Variants in KLF17 observed in about 807,000 individuals in gnomAD.
The protein encoded by KLF17 is Krueppel-like factor 17.
Under a neutral mutation model 34.2 loss-of-function variants are expected in KLF17, and 31 were observed. That is an observed-to-expected ratio of 0.91 (90% CI 0.68 to 1.22). The LOEUF (loss-of-function observed/expected upper bound fraction) is 1.22. KLF17 is among the 50% of genes most tolerant of loss of function. KLF17 has a pLI of 0.00. For missense variants in KLF17, 478 were observed against 505.2 expected, an observed-to-expected ratio of 0.95 and a Z score of 0.52; for synonymous variants, 179 against 186.7, an observed-to-expected ratio of 0.96 and a Z score of 0.34.
At chr1:44,070,587 TGTC>T in the KLF17 span, among the ~76,000 whole-genome samples, 1 of 145,004 alleles carries the variant, frequency 6.9e-6, no homozygotes, top group Non-Finnish European at 1.5e-5. Flanking sequence ...CCTTTTCCCT[TGTC>T]TTTTTTTTTT....
At chr1:44,130,270 T>C in intron 2 of KLF17, 74 bp downstream of exon 2, 1 of 1,535,162 alleles carries the variant, frequency 6.5e-7, no homozygotes, top group South Asian at 1.3e-5. Flanking sequence ...CACTGGTGGG[T>C]AATTGTTTGG....
chr1:44,045,761 A>G, the KLF17 span, among the ~76,000 whole-genome samples: 35 of 152,262 alleles, frequency 2.3e-4, no homozygotes, highest in East Asian at 6.0e-3. Flanking sequence ...ATACTTTCAC[A>G]CACAACCCAG....
the KLF17 span, among the ~76,000 whole-genome samples, chr1:44,109,901 T>C: frequency 4.4e-4 from 63 of 141,984 alleles, 2 homozygotes; most frequent in East Asian, 7.8e-3. Context: ...TTTATACTTT[T>C]TTTTTTTTTT....
At chr1:44,127,692 T>TTCTTTCTTTTTCTTTCTTTCTTTCTTTC (rs753421834) in intron 1 of KLF17, among the ~76,000 whole-genome samples, 95 of 90,106 alleles carry the variant, frequency 1.1e-3, no homozygotes, top group South Asian at 2.7e-3. Flanking sequence ...CTTTCTTTCT[T>TTCTTTCTTTTTCTTTCTTTCTTTCTTTC]TTTCTTTCTT....
chr1:44,115,847 C>T (rs148099633), upstream of KLF17: 1 of 151,904 alleles, frequency 6.6e-6, no homozygotes, highest in Non-Finnish European at 1.5e-5. Context: ...AATAGTTGTG[C>T]CTTTTTCATT....
upstream of KLF17, chr1:44,114,276 A>G (rs1280920608): frequency 6.6e-6 from 1 of 152,230 alleles, no homozygotes; most frequent in Non-Finnish European, 1.5e-5. Flanking sequence ...ATTAAATCAC[A>G]GATTTCAAAA....
At chr1:44,099,268 G>C in the KLF17 span, among the ~76,000 whole-genome samples, 1 of 151,788 alleles carries the variant, frequency 6.6e-6, no homozygotes, top group African/African-American at 2.4e-5. Flanking sequence ...GCCAGGCGTG[G>C]TGGCTCACAC....
intron 3 of KLF17, among the ~76,000 whole-genome samples, chr1:44,131,435 TC>T (rs1440544613): frequency 2.6e-5 from 4 of 152,346 alleles, no homozygotes; most frequent in Middle Eastern, 3.4e-3. Flanking sequence ...TATTTTCAAA[TC>T]CTGAATTTGC....
At chr1:44,087,685 A>T in the KLF17 span, among the ~76,000 whole-genome samples, 1 of 133,826 alleles carries the variant, frequency 7.5e-6, no homozygotes, top group Non-Finnish European at 1.6e-5. Context: ...TTCCTCTGTG[A>T]CTATGCAGAG....
At chr1:44,101,549 T>C in the KLF17 span, 2 of 152,202 alleles carry the variant, frequency 1.3e-5, no homozygotes, top group African/African-American at 2.4e-5. Flanking sequence ...GAGTTATGCA[T>C]TTTTTGGCAG....
chr1:44,070,571 C>T, the KLF17 span, among the ~76,000 whole-genome samples: 3 of 151,340 alleles, frequency 2.0e-5, no homozygotes, highest in African/African-American at 7.3e-5. Flanking sequence ...CACATTCTCA[C>T]CTCTCCCTTT....
At chr1:44,106,478 C>T in the KLF17 span, 2 of 152,208 alleles carry the variant, frequency 1.3e-5, no homozygotes, top group African/African-American at 4.8e-5. Flanking sequence ...CTTACTTTCT[C>T]CAGAGTGAAA....
chr1:44,103,799 G>T, the KLF17 span: 1 of 871,912 alleles, frequency 1.1e-6, no homozygotes. Flanking sequence ...AAGCCCTCTG[G>T]CCTTTGAGGC....
At chr1:44,132,012 G>C (rs543450789) in intron 3 of KLF17, among the ~76,000 whole-genome samples, 1 of 152,190 alleles carries the variant, frequency 6.6e-6, no homozygotes, top group African/African-American at 2.4e-5. Flanking sequence ...AATATTTATG[G>C]GATAAAATTT....
chr1:44,076,097 A>G, the KLF17 span: 2 of 152,240 alleles, frequency 1.3e-5, no homozygotes, highest in African/African-American at 4.8e-5. Flanking sequence ...TAAGCACCCA[A>G]ACTGCACCTG....
At chr1:44,084,844 C>T in the KLF17 span, among the ~76,000 whole-genome samples, 8 of 149,294 alleles carry the variant, frequency 5.4e-5, no homozygotes, top group South Asian at 1.7e-3. Flanking sequence ...GAGGCCAAGG[C>T]AGGCAGAATG....
the KLF17 span, among the ~76,000 whole-genome samples, chr1:44,060,089 A>G: frequency 1.3e-5 from 2 of 152,090 alleles, no homozygotes; most frequent in South Asian, 4.2e-4. Flanking sequence ...GTTTGTGGCC[A>G]TGAGTGGGAA....
the KLF17 span, among the ~76,000 whole-genome samples, chr1:44,102,559 TACACATACACACACACACACACACACAC>T: frequency 6.2e-4 from 54 of 87,722 alleles, no homozygotes; most frequent in Admixed American, 1.3e-3. Flanking sequence ...ATCACACACA[TACACATACACACACACACACACACACAC>T]ACACACACAC....
At chr1:44,091,852 A>C in the KLF17 span, among the ~76,000 whole-genome samples, 1 of 149,012 alleles carries the variant, frequency 6.7e-6, no homozygotes, top group East Asian at 2.0e-4. Context: ...TCGAGGCTGC[A>C]GTGGGCTAGG....
Sources: gnomAD v4.1 joint callset for allele counts (sites outside exome capture counted in the v4.1 genomes callset) on GRCh38, gnomAD v4.1.1 for gene constraint, MANE v1.5 for transcripts, NCBI Gene and HGNC (gene_info 2026-07-23, HGNC 2026-07-21) for gene names.